Variants in CATSPERE observed in about 807,000 individuals in gnomAD.
CATSPERE encodes the protein cation channel sperm-associated auxiliary subunit epsilon.
CATSPERE carries 93 observed loss-of-function variants against 114.1 expected under a neutral mutation model. That is an observed-to-expected ratio of 0.81 (90% CI 0.69 to 0.97). The LOEUF is 0.97. Ranked by LOEUF, CATSPERE falls within the 50% of genes least tolerant of loss-of-function variation. The pLI is 0.00. For missense variants in CATSPERE, 1,058 were observed against 1,131.6 expected (o/e 0.93, Z 0.93); for synonymous variants, 341 against 384.1 (o/e 0.89, Z 1.31).
intron 10 of CATSPERE, among the ~76,000 whole-genome samples, chr1:244,564,085 G>T (rs1663025576): frequency 6.6e-6 from 1 of 152,038 alleles, no homozygotes; most frequent in South Asian, 2.1e-4. Context: ...TATTTCTGAG[G>T]CCTCTGTTCT....
intron 8 of CATSPERE, among the ~76,000 whole-genome samples, chr1:244,542,457 T>G (rs1659002126): frequency 6.6e-6 from 1 of 152,154 alleles, no homozygotes; most frequent in African/African-American, 2.4e-5. Context: ...CAATAGGTAA[T>G]TTTTTAACCC....
At chr1:244,599,030 G>A (rs772892180) in intron 17 of CATSPERE, among the ~76,000 whole-genome samples, 7 of 152,154 alleles carry the variant, frequency 4.6e-5, no homozygotes, top group Admixed American at 1.3e-4. Flanking sequence ...TACATCGTCC[G>A]GACATGGTCT....
At chr1:244,511,643 T>C (rs1378541864) in intron 7 of CATSPERE, among the ~76,000 whole-genome samples, 4 of 152,210 alleles carry the variant, frequency 2.6e-5, no homozygotes, top group East Asian at 1.9e-4. Context: ...TGATATACCA[T>C]TGAGTTTTAT....
chr1:244,624,658 C>T (rs975367177), intron 20 of CATSPERE, among the ~76,000 whole-genome samples: 26 of 151,880 alleles, frequency 1.7e-4, no homozygotes, highest in Admixed American at 3.3e-4. Context: ...AAAAGTTAGC[C>T]GGGCATGGTG....
At chr1:244,461,634 A>C in intron 1 of CATSPERE, 140 bp downstream of exon 1, 1 of 579,010 alleles carries the variant, frequency 1.7e-6, no homozygotes, top group Non-Finnish European at 2.6e-6. Flanking sequence ...TGGCTCCCCA[A>C]CACCAGCCCC....
intron 5 of CATSPERE, among the ~76,000 whole-genome samples, chr1:244,486,797 C>T (rs1671122014): frequency 2.1e-5 from 2 of 93,248 alleles, no homozygotes; most frequent in African/African-American, 8.7e-5. Context: ...TACTCGTGGG[C>T]CAGGTGTAGA....
At chr1:244,612,029 G>C (rs1301126019) in intron 19 of CATSPERE, among the ~76,000 whole-genome samples, 1 of 152,114 alleles carries the variant, frequency 6.6e-6, no homozygotes, top group East Asian at 1.9e-4. Context: ...GCTGATCTGG[G>C]GACTGCGTTT....
chr1:244,465,590 T>G (rs892239494), intron 2 of CATSPERE, among the ~76,000 whole-genome samples: 1 of 152,186 alleles, frequency 6.6e-6, no homozygotes, highest in African/African-American at 2.4e-5. Context: ...TTGTGAACTT[T>G]CTTATTTGTC....
At chr1:244,615,122 G>C (rs1671213477) in intron 19 of CATSPERE, among the ~76,000 whole-genome samples, 1 of 150,398 alleles carries the variant, frequency 6.6e-6, no homozygotes, top group South Asian at 2.1e-4. Flanking sequence ...GGGAACAAAA[G>C]AATCTGTGCC....
chr1:244,588,831 T>C (rs2148635977), intron 14 of CATSPERE, among the ~76,000 whole-genome samples: 1 of 152,322 alleles, frequency 6.6e-6, no homozygotes, highest in South Asian at 2.1e-4. Context: ...CTCTCAACTC[T>C]TCAGTCTACG....
At chr1:244,549,448 T>C (rs372099856) in intron 8 of CATSPERE, among the ~76,000 whole-genome samples, 1 of 152,102 alleles carries the variant, frequency 6.6e-6, no homozygotes, top group Admixed American at 6.5e-5. Flanking sequence ...CACACACACA[T>C]ATATTAAACA....
chr1:244,482,483 T>G lies in CATSPERE; in HGVS notation c.326+2699T>G, dbSNP rs149625788. On this transcript the variant is annotated intron_variant, in intron 5 of 21. Coordinates refer to ENST00000366534, the MANE Select transcript of CATSPERE (RefSeq NM_001130957.2). Reference sequence around the variant, plus strand: ...CAGGCATGATGACTTGCATCTGTAGTTCCAACTACTTGTGAGGCTGAGGTA... The same window carrying G: ...CAGGCATGATGACTTGCATCTGTAGGTCCAACTACTTGTGAGGCTGAGGTA... 1.1e-3 allele frequency among the ~76,000 whole-genome samples: 161 copies of G among 152,164 alleles called. 2 individuals carry two copies. Among genetic ancestry groups the G allele is most frequent in the Non-Finnish European group, 1.7e-3 (114 of 68,006 alleles).
intron 2 of CATSPERE, among the ~76,000 whole-genome samples, chr1:244,472,318 G>A (rs1428679980): frequency 6.6e-6 from 1 of 152,150 alleles, no homozygotes; most frequent in South Asian, 2.1e-4. Flanking sequence ...GCAGAGGAGA[G>A]TTCTCATTGT....
intron 5 of CATSPERE, among the ~76,000 whole-genome samples, chr1:244,481,166 A>G (rs1219877684): frequency 1.3e-5 from 2 of 152,166 alleles, no homozygotes; most frequent in Admixed American, 6.5e-5. Flanking sequence ...AAATAAAATA[A>G]TAGGCCAGGC....
At chr1:244,593,364 A>G (rs750832588) in intron 15 of CATSPERE, 31 bp from the exon 16 acceptor site, 2 of 1,609,292 alleles carry the variant, frequency 1.2e-6, no homozygotes, top group East Asian at 4.5e-5. Context: ...AAAAGAGGAA[A>G]GAGAAATAAT....
intron 5 of CATSPERE, among the ~76,000 whole-genome samples, chr1:244,485,497 C>T (rs1188962795): frequency 1.3e-5 from 2 of 151,828 alleles, no homozygotes; most frequent in African/African-American, 2.4e-5. Context: ...TTTAAATATT[C>T]GTTCTCCCTT....
intron 8 of CATSPERE, among the ~76,000 whole-genome samples, chr1:244,523,205 C>T (rs2148382470): frequency 6.7e-6 from 1 of 149,468 alleles, no homozygotes; most frequent in Non-Finnish European, 1.5e-5. Context: ...TAAATGTAAT[C>T]CAGCATATAA....
intron 8 of CATSPERE, among the ~76,000 whole-genome samples, chr1:244,541,275 T>C (rs1343365921): frequency 6.7e-6 from 1 of 149,740 alleles, no homozygotes; most frequent in African/African-American, 2.4e-5. Flanking sequence ...AGGGCTAATA[T>C]CCAGAATCTA....
At chr1:244,612,909 G>A (rs1670924753) in intron 19 of CATSPERE, among the ~76,000 whole-genome samples, 1 of 152,170 alleles carries the variant, frequency 6.6e-6, no homozygotes. Context: ...CAATAATGGC[G>A]GGAGAGGGGG....
Sources: gnomAD v4.1 joint callset for allele counts (sites outside exome capture counted in the v4.1 genomes callset) on GRCh38, gnomAD v4.1.1 for gene constraint, MANE v1.5 for transcripts, NCBI Gene and HGNC (gene_info 2026-07-23, HGNC 2026-07-21) for gene names.